Variants in COX7B2 observed in about 807,000 individuals in gnomAD.
COX7B2 encodes cytochrome c oxidase subunit 7B2, also known as cytochrome c oxidase subunit 7B2, mitochondrial.
For synonymous variants in COX7B2, 37 were observed against 32.1 expected, an observed-to-expected ratio of 1.15 and a Z score of -0.51; for missense variants, 109 against 95.9, an observed-to-expected ratio of 1.14 and a Z score of -0.57.
intron 2 of COX7B2, among the ~76,000 whole-genome samples, chr4:46,740,371 A>AT (rs1324054443): frequency 6.6e-6 from 1 of 152,070 alleles, no homozygotes; most frequent in Non-Finnish European, 1.5e-5. Flanking sequence ...AGTTTGTTTC[A>AT]TTTTTTATTT....
At chr4:46,781,133 A>G (rs1577697079) in intron 2 of COX7B2, among the ~76,000 whole-genome samples, 1 of 152,300 alleles carries the variant, frequency 6.6e-6, no homozygotes, top group East Asian at 1.9e-4. Context: ...TAGTAGACTT[A>G]CTATTAGAAG....
chr4:46,796,017 A>G (rs2109603130), intron 2 of COX7B2, among the ~76,000 whole-genome samples: 1 of 89,326 alleles, frequency 1.1e-5, no homozygotes, highest in African/African-American at 4.8e-5. Flanking sequence ...TTGTTGGTGT[A>G]TAAGAATGCT....
At chr4:46,890,999 T>C (rs561996534) in intron 1 of COX7B2, among the ~76,000 whole-genome samples, 1 of 152,276 alleles carries the variant, frequency 6.6e-6, no homozygotes, top group East Asian at 1.9e-4. Flanking sequence ...GATGATGCTG[T>C]CTTGATGAAA....
chr4:46,893,270 T>G (rs1719549463), intron 1 of COX7B2, among the ~76,000 whole-genome samples: 1 of 152,190 alleles, frequency 6.6e-6, no homozygotes, highest in Admixed American at 6.5e-5. Flanking sequence ...TCCAACTTAC[T>G]TGGCTATAAA....
At chr4:46,826,722 G>A (rs1420373670) in intron 2 of COX7B2, among the ~76,000 whole-genome samples, 1 of 152,114 alleles carries the variant, frequency 6.6e-6, no homozygotes, top group South Asian at 2.1e-4. Flanking sequence ...AACATGGATC[G>A]AGCTACAGGC....
intron 2 of COX7B2, among the ~76,000 whole-genome samples, chr4:46,737,200 CATCTTTTTAT>C (rs1348809679): frequency 6.6e-6 from 1 of 152,100 alleles, no homozygotes; most frequent in East Asian, 1.9e-4. Context: ...TAATGTCCAG[CATCTTTTTAT>C]ATGCTTGTTT....
chr4:46,773,672 T>A (rs1038432546), intron 2 of COX7B2, among the ~76,000 whole-genome samples: 10 of 152,182 alleles, frequency 6.6e-5, no homozygotes, highest in Non-Finnish European at 1.3e-4. Context: ...TCAACTTGAC[T>A]GTTGCCTTGC....
At chr4:46,770,154 T>TA (rs1370795928) in intron 2 of COX7B2, among the ~76,000 whole-genome samples, 6 of 152,160 alleles carry the variant, frequency 3.9e-5, no homozygotes, top group East Asian at 3.9e-4. Flanking sequence ...AGTTTCAGGA[T>TA]AAAAAAATCA....
chr4:46,819,485 G>T (rs1714115912), intron 2 of COX7B2, among the ~76,000 whole-genome samples: 1 of 142,474 alleles, frequency 7.0e-6, no homozygotes, highest in Admixed American at 7.4e-5. Flanking sequence ...GCAAGAAGAA[G>T]AATTGTCTTG....
chr4:46,781,177 A>C (rs59349988), intron 2 of COX7B2, among the ~76,000 whole-genome samples: 3,186 of 152,280 alleles, frequency 0.021, 100 homozygotes, highest in African/African-American at 0.072. Flanking sequence ...GCACAAAAGC[A>C]ACACACTGAG....
chr4:46,807,493 CAGG>C (rs1719064420), intron 2 of COX7B2, among the ~76,000 whole-genome samples: 2 of 151,762 alleles, frequency 1.3e-5, no homozygotes, highest in Non-Finnish European at 3.0e-5. Context: ...CTTTGCTATA[CAGG>C]AGTTTTTTTA....
chr4:46,880,603 T>C (rs1406365198), intron 1 of COX7B2, among the ~76,000 whole-genome samples: 4 of 151,962 alleles, frequency 2.6e-5, no homozygotes, highest in East Asian at 1.9e-4. Context: ...TAGTTTCTGA[T>C]GGCAATTTTT....
chr4:46,900,751 T>C (rs1020586273), intron 1 of COX7B2, among the ~76,000 whole-genome samples: 1 of 152,070 alleles, frequency 6.6e-6, no homozygotes, highest in African/African-American at 2.4e-5. Flanking sequence ...CCTACCACCA[T>C]GTGAGAATAC....
chr4:46,851,815 A>T (rs1716708155), intron 1 of COX7B2, among the ~76,000 whole-genome samples: 1 of 152,132 alleles, frequency 6.6e-6, no homozygotes, highest in African/African-American at 2.4e-5. Flanking sequence ...TAAGAATACT[A>T]CAAAAATGGT....
intron 2 of COX7B2, among the ~76,000 whole-genome samples, chr4:46,800,482 C>A (rs991849026): frequency 2.6e-5 from 4 of 151,974 alleles, no homozygotes; most frequent in African/African-American, 7.2e-5. Context: ...ATCAACAAAT[C>A]ATCAATAAAA....
At chr4:46,760,847 CTTAG>C (rs1716107305) in intron 2 of COX7B2, among the ~76,000 whole-genome samples, 5 of 152,092 alleles carry the variant, frequency 3.3e-5, no homozygotes, top group African/African-American at 1.2e-4. Flanking sequence ...GAAGATAAAT[CTTAG>C]TTAAGTGTTC....
chr4:46,758,909 C>T (rs1488472637), intron 2 of COX7B2, among the ~76,000 whole-genome samples: 2 of 152,112 alleles, frequency 1.3e-5, no homozygotes, highest in South Asian at 2.1e-4. Context: ...AAATAACCCA[C>T]TTTGCAGAAA....
chr4:46,797,926 C>T (rs932690018), intron 2 of COX7B2, among the ~76,000 whole-genome samples: 8 of 152,126 alleles, frequency 5.3e-5, no homozygotes, highest in Non-Finnish European at 1.0e-4. Context: ...TTTCAGCTGG[C>T]AAGGCAACAA....
intron 2 of COX7B2, among the ~76,000 whole-genome samples, chr4:46,839,424 G>A (rs1234424829): frequency 6.6e-6 from 1 of 151,794 alleles, no homozygotes; most frequent in Non-Finnish European, 1.5e-5. Flanking sequence ...CACCAATTTG[G>A]CTTTCCAAAG....
Sources: allele counts gnomAD v4.1 joint callset (sites outside exome capture counted in the v4.1 genomes callset), GRCh38; gene constraint gnomAD v4.1.1; transcripts MANE v1.5; gene names NCBI Gene and HGNC (gene_info 2026-07-23, HGNC 2026-07-21).